Variants in VPS26C observed in about 807,000 individuals in gnomAD.
VPS26C encodes vacuolar protein sorting-associated protein 26C.
Under a neutral mutation model 30.6 loss-of-function variants are expected in VPS26C, and 19 were observed. The observed-to-expected ratio is 0.62, with a 90% CI of 0.43 to 0.91. VPS26C has a LOEUF of 0.91. VPS26C is among the 40% of genes least tolerant of loss of function. The pLI is 0.00. For missense variants in VPS26C, 318 were observed against 385.1 expected (o/e 0.83, Z 1.46); for synonymous variants, 132 against 151.5 (o/e 0.87, Z 0.95).
chr21:37,256,211 T>C (rs1267554357), intron 1 of VPS26C, among the ~76,000 whole-genome samples: 1 of 152,190 alleles, frequency 6.6e-6, no homozygotes, highest in African/African-American at 2.4e-5. Context: ...TGGGTTGGCA[T>C]GAAAAAACTT....
Position 37,225,232 on chromosome 21 carries a change from T to C in VPS26C, c.*312A>G, listed in dbSNP as rs542316634. On this transcript the variant is annotated 3_prime_UTR_variant, in exon 8 of 8. Transcript: ENST00000309117. ...CAGCAAGCTCAAACTGCTGTCACAA[T>C]TGTTTTACTGTACCTAAAAAGGAAC... 8.6e-6 allele frequency: 3 copies of C among 350,736 alleles called. No individual in the cohort carries two copies. Among genetic ancestry groups the C allele is most frequent in the Admixed American group, 3.8e-5 (1 of 26,102 alleles). 21.7% of individuals were successfully genotyped at this position (350,736 alleles called of 1,614,324 possible). A position where few individuals can be genotyped will look rare whatever the true frequency, so the allele number is the denominator to read the frequency against.
intron 3 of VPS26C, among the ~76,000 whole-genome samples, chr21:37,235,881 T>TA (rs1569233819): frequency 3.5e-4 from 49 of 139,698 alleles, no homozygotes; most frequent in South Asian, 1.1e-3. Flanking sequence ...ATATATATAT[T>TA]TTTTTTTTTA....
intron 1 of VPS26C, among the ~76,000 whole-genome samples, chr21:37,263,025 A>G (rs2086321567): frequency 6.6e-6 from 1 of 152,166 alleles, no homozygotes; most frequent in Non-Finnish European, 1.5e-5. Flanking sequence ...TCGGCCTCCC[A>G]AAGTGCTGGG....
intron 3 of VPS26C, among the ~76,000 whole-genome samples, chr21:37,235,968 A>T (rs974132726): frequency 1.1e-4 from 16 of 150,504 alleles, no homozygotes; most frequent in Non-Finnish European, 2.4e-4. Flanking sequence ...GGCTCAAGTG[A>T]TTCTCCTACC....
rs187252169 is a variant in VPS26C at position 37,264,005 on chromosome 21, C to A, written c.57+3233G>T. Among the ~76,000 whole-genome samples, 17 of 152,278 alleles carry A rather than the reference C, an allele frequency of 1.1e-4. No individual in the cohort carries two copies. The South Asian group carries it at 2.5e-3, about 22-fold the overall frequency. ...TCCTCAAGGACCAGACAGCAAGGAT[C>A]CTGCTACGTGAGGCTTGGAAAACAG... is the stretch of plus-strand genomic sequence containing the variant. On this transcript the variant is annotated intron_variant, in intron 1 of 7. Transcript: ENST00000309117.
chr21:37,248,811 ATT>A (rs2086164018), intron 1 of VPS26C, among the ~76,000 whole-genome samples: 1 of 152,084 alleles, frequency 6.6e-6, no homozygotes, highest in Non-Finnish European at 1.5e-5. Context: ...AGAAAACTAG[ATT>A]ATTCTCATTT....
At chr21:37,231,173 G>A (rs769919275) in intron 5 of VPS26C, among the ~76,000 whole-genome samples, 24 of 152,226 alleles carry the variant, frequency 1.6e-4, no homozygotes, top group Non-Finnish European at 2.9e-4. Flanking sequence ...ACTGACAACC[G>A]AGGATCAATA....
intron 1 of VPS26C, among the ~76,000 whole-genome samples, chr21:37,251,736 C>A (rs1266076991): frequency 6.6e-6 from 1 of 152,086 alleles, no homozygotes; most frequent in Non-Finnish European, 1.5e-5. Flanking sequence ...AAAACAAAAT[C>A]CCAGAGTGGG....
intron 3 of VPS26C, chr21:37,238,250 G>A: frequency 1.8e-6 from 1 of 554,762 alleles, no homozygotes; most frequent in Non-Finnish European, 3.1e-6. Context: ...TACAGCACGA[G>A]TGCCTTGAGG....
At chr21:37,247,184 G>C in intron 1 of VPS26C, among the ~76,000 whole-genome samples, 1 of 152,212 alleles carries the variant, frequency 6.6e-6, no homozygotes, top group African/African-American at 2.4e-5. Flanking sequence ...GCTATCATAA[G>C]AGACAGAGCA....
chr21:37,239,605 T>C (rs1391897606), intron 2 of VPS26C, among the ~76,000 whole-genome samples: 2 of 31,954 alleles, frequency 6.3e-5, no homozygotes, highest in East Asian at 2.3e-3. Context: ...GCTGTGATCT[T>C]TTTTTTTTTT....
chr21:37,237,461 A>C (rs2086037182), intron 3 of VPS26C: 1 of 152,218 alleles, frequency 6.6e-6, no homozygotes, highest in African/African-American at 2.4e-5. Context: ...ACTCCCACCC[A>C]CATACCAGCA....
Position 37,227,710 on chromosome 21 carries a change from A to C in VPS26C, c.755T>G (p.Met252Arg), listed in dbSNP as rs1322338062. Residue 252 changes from methionine (M) to arginine (R), a missense_variant, in exon 7 of 8, where the codon ATG becomes AGG. By Grantham distance (91) the Met-to-Arg change is moderately conservative. Transcript: ENST00000309117. ...VCRGLSVPIY[M>R]VFPRLFTCPT... ...GCAGGTGAACAGCCTAGGGAAGACC[A>C]TGTAGATGGGGACAGAGAGGCCCCT... 6.2e-7 allele frequency: 1 copy of C among 1,614,042 alleles called. No homozygotes were observed. Among genetic ancestry groups the C allele is most frequent in the Non-Finnish European group, 8.5e-7 (1 of 1,180,024 alleles).
At chr21:37,255,379 A>G (rs1386146902) in intron 1 of VPS26C, among the ~76,000 whole-genome samples, 1 of 152,174 alleles carries the variant, frequency 6.6e-6, no homozygotes, top group Non-Finnish European at 1.5e-5. Context: ...AAAACCATAA[A>G]CGTAAATAAG....
At chr21:37,240,893 G>A (rs943786161) in intron 1 of VPS26C, among the ~76,000 whole-genome samples, 3 of 152,140 alleles carry the variant, frequency 2.0e-5, no homozygotes, top group Non-Finnish European at 2.9e-5. Context: ...TCCCGTCACT[G>A]CCTCTCAGAC....
At chr21:37,248,503 T>G (rs1211795064) in intron 1 of VPS26C, among the ~76,000 whole-genome samples, 3 of 152,058 alleles carry the variant, frequency 2.0e-5, no homozygotes, top group African/African-American at 7.2e-5. Context: ...TTTGAAAAGC[T>G]GACTAAGTGA....
Position 37,228,339 on chromosome 21 carries a change from T to A in VPS26C, c.542A>T (p.His181Leu), listed in dbSNP as rs2085926037. Residue 181 changes from histidine to leucine, a missense_variant, in exon 6 of 8, where the codon CAT becomes CTT. Physicochemically the swap from His to Leu is moderately conservative, Grantham distance 99. Coordinates refer to ENST00000309117, the MANE Select transcript of VPS26C (RefSeq NM_006052.2). ...GATGACACAGTTTGTTGAGTTGAGA[T>A]GTCCTCGAAGGAGAAATTTGGGAAG... ...ALLPKFLLRG[H>L]LNSTNCVITQ... The A allele has an allele frequency of 1.2e-6, 2 of 1,614,190 alleles. No homozygotes were observed. Among genetic ancestry groups the A allele is most frequent in the East Asian group, 4.5e-5 (2 of 44,888 alleles).
intron 3 of VPS26C, among the ~76,000 whole-genome samples, chr21:37,235,811 C>T (rs2086014200): frequency 6.9e-6 from 1 of 144,708 alleles, no homozygotes. Context: ...ATAATACTGG[C>T]ATTTGATACA....
intron 1 of VPS26C, among the ~76,000 whole-genome samples, chr21:37,262,123 C>T (rs2086310924): frequency 6.6e-6 from 1 of 152,064 alleles, no homozygotes; most frequent in Admixed American, 6.5e-5. Flanking sequence ...GACAGTCAAC[C>T]TAAGTCACAT....
Sources: allele counts gnomAD v4.1 joint callset (sites outside exome capture counted in the v4.1 genomes callset), GRCh38; gene constraint gnomAD v4.1.1; transcripts MANE v1.5; gene names NCBI Gene and HGNC (gene_info 2026-07-23, HGNC 2026-07-21).